Variants in ACTC1 observed in about 807,000 individuals in gnomAD.
ACTC1 encodes the protein actin, alpha cardiac muscle 1.
ACTC1 carries 10 observed loss-of-function variants against 31.6 expected under a neutral mutation model. That is an observed-to-expected ratio of 0.32 (90% CI 0.19 to 0.54). The LOEUF (loss-of-function observed/expected upper bound fraction) is 0.54. ACTC1 is among the 20% of genes least tolerant of loss of function. ACTC1 has a pLI of 0.95. For synonymous variants in ACTC1, 196 were observed against 185.0 expected (o/e 1.06, Z -0.48); for missense variants, 129 against 506.4 (o/e 0.25, Z 7.15).
Position 34,792,310 on chromosome 15 carries a change from G to A in ACTC1, c.617-29C>T. 3 of 1,614,004 alleles carry A rather than the reference G, an allele frequency of 1.9e-6. No individual in the cohort carries two copies. Among genetic ancestry groups the A allele is most frequent in the Non-Finnish European group, 2.5e-6 (3 of 1,179,846 alleles). Reference sequence around the variant, plus strand: ...CAGAAATAAAGAGTATCACAGTCATGCTCTGAAGCAAGAAGTCAATTATAG... The same window carrying A: ...CAGAAATAAAGAGTATCACAGTCATACTCTGAAGCAAGAAGTCAATTATAG... On this transcript the variant is annotated intron_variant, in intron 4 of 6. Coordinates refer to ENST00000290378, the MANE Select transcript of ACTC1 (RefSeq NM_005159.5). The surrounding 1 kb of genome is among the most constrained non-coding windows in gnomAD (Gnocchi z 5.3).
intron 5 of ACTC1, chr15:34,791,676 G>A: frequency 2.9e-6 from 1 of 339,344 alleles, no homozygotes; most frequent in South Asian, 3.7e-5. Context: ...GGAAAGCATT[G>A]CTTAGGAAGG....
Position 34,790,347 on chromosome 15 carries a change from T to C in ACTC1, c.*65A>G. On this transcript the variant is annotated 3_prime_UTR_variant, in exon 7 of 7. Transcript: ENST00000290378. ...TGATGAAAGATGAGGGAAGGTGGTT[T>C]GGAAGACTCCAAGAAGCATAATACC... 6.3e-7 allele frequency: 1 copy of C among 1,592,872 alleles called. No homozygotes were observed.
Position 34,792,071 on chromosome 15 carries a change from A to C in ACTC1, c.808+19T>G. On this transcript the variant is annotated intron_variant, in intron 5 of 6. Coordinates refer to ENST00000290378, the MANE Select transcript of ACTC1 (RefSeq NM_005159.5). The surrounding 1 kb of genome is among the most constrained non-coding windows in gnomAD (Gnocchi z 5.3). ...TTTCCAGGGAAAATCGTGCCTCTGC[A>C]CCAGACCCTACAACTCACCAATGAA... 1.2e-6 allele frequency: 2 copies of C among 1,613,890 alleles called. No individual in the cohort carries two copies. The highest frequency in any genetic ancestry group is 1.7e-6 in the Non-Finnish European group (2 of 1,179,954).
At position 34,790,365 on chromosome 15, in the gene ACTC1, A is replaced by G. The variant is rs1405271748; in HGVS notation, c.*47T>C. ...GGTGGTTTGGAAGACTCCAAGAAGC[A>G]TAATACCGTCATCCTGACTGGAAGG... On this transcript the variant is annotated 3_prime_UTR_variant, in exon 7 of 7. Coordinates refer to ENST00000290378, the MANE Select transcript of ACTC1 (RefSeq NM_005159.5). The G allele has an allele frequency of 8.1e-6, 13 of 1,610,444 alleles. No homozygotes were observed. Among genetic ancestry groups the G allele is most frequent in the Non-Finnish European group, 1.1e-5 (13 of 1,178,336 alleles).
In ACTC1 at chr15:34,790,392, A is replaced by T. The variant is rs143407466; in HGVS notation, c.*20T>A. The T allele has an allele frequency of 7.9e-5, 128 of 1,612,924 alleles. 1 individual carries two copies. In the East Asian group the frequency reaches 2.8e-3, roughly 35 times the overall value. On this transcript the variant is annotated 3_prime_UTR_variant, in exon 7 of 7. Transcript: ENST00000290378. ...AATACCGTCATCCTGACTGGAAGGT[A>T]GATGGAGAGAGAAGGCATCTTAGAA...
chr15:34,795,004 G>A (rs902914885), intron 1 of ACTC1, among the ~76,000 whole-genome samples, 174 bp from the exon 2 acceptor site: 31 of 152,176 alleles, frequency 2.0e-4, no homozygotes, highest in African/African-American at 7.5e-4. Flanking sequence ...GAGGGAAGAA[G>A]CCGCGGAGGA....
intron 2 of ACTC1, among the ~76,000 whole-genome samples, chr15:34,794,263 A>C (rs1345879855): frequency 6.6e-6 from 1 of 152,238 alleles, no homozygotes; most frequent in Non-Finnish European, 1.5e-5. Flanking sequence ...GGAACCCTGT[A>C]AACTGGCTGT....
chr15:34,792,765 T>C lies in ACTC1; in HGVS notation c.455-196A>G, dbSNP rs1891731413. On this transcript the variant is annotated intron_variant, in intron 3 of 6. Transcript: ENST00000290378. The surrounding 1 kb of genome is among the most constrained non-coding windows in gnomAD (Gnocchi z 5.3). The stretch of plus-strand genomic sequence containing the variant: ...TAAATCTGAAGCAAACTGCAGCTCA[T>C]CTTTTTAACTATTATAGTAGAAAAA... 1 of 628,634 alleles carries C rather than the reference T, an allele frequency of 1.6e-6. No homozygotes were observed. The highest frequency in any genetic ancestry group is 2.8e-6 in the Non-Finnish European group (1 of 359,406). The allele number at this position is 628,634 out of a possible 1,614,324, so 38.9% of individuals were successfully genotyped here. A position where few individuals can be genotyped will look rare whatever the true frequency, so the allele number is the denominator to read the frequency against.
chr15:34,791,672 CATTGCTTAGGAAGGATATTTGTTGACA>C (rs1204254233), intron 5 of ACTC1: 5 of 330,228 alleles, frequency 1.5e-5, no homozygotes, highest in African/African-American at 1.0e-4. Context: ...TTATGGAAAG[CATTGCTTAGGAAGGATATTTGTTGACA>C]TATAAGTGCC....
rs1566967138 is a variant in ACTC1 at position 34,791,306 on chromosome 15, GTCAC to G, written c.809-15_809-12del. 1 of 1,430,134 alleles carries G rather than the reference GTCAC, an allele frequency of 7.0e-7. No homozygotes were observed. The highest frequency in any genetic ancestry group is 2.4e-5 in the East Asian group (1 of 40,820). 88.6% of individuals were successfully genotyped at this position (1,430,134 alleles called of 1,614,324 possible). On this transcript the variant is annotated splice_polypyrimidine_tract_variant and intron_variant, in intron 5 of 6. Coordinates refer to ENST00000290378, the MANE Select transcript of ACTC1 (RefSeq NM_005159.5). ...CAGCAGATTCCATACCTGGGAACGAGTCACACACACACACACACACACACACACA... is the reference window on the plus strand; with the variant it reads ...CAGCAGATTCCATACCTGGGAACGAGACACACACACACACACACACACACA...
Position 34,792,698 on chromosome 15 carries a change from G to T in ACTC1, c.455-129C>A. 2.1e-6 allele frequency: 2 copies of T among 954,490 alleles called. No individual in the cohort carries two copies. The highest frequency in any genetic ancestry group is 3.3e-6 in the Non-Finnish European group (2 of 603,950). 59.1% of individuals were successfully genotyped at this position (954,490 alleles called of 1,614,324 possible). A position where few individuals can be genotyped will look rare whatever the true frequency, so the allele number is the denominator to read the frequency against. On this transcript the variant is annotated intron_variant, in intron 3 of 6. Transcript: ENST00000290378. This position sits in a 1 kb window ranked among gnomAD's most constrained non-coding sequence, Gnocchi z 5.3. ...ATGGGCATTGATCCAGATAAAATTAGATTCCTTACACACAAAGAATAAAAA... is the reference window on the plus strand; with the variant it reads ...ATGGGCATTGATCCAGATAAAATTATATTCCTTACACACAAAGAATAAAAA...
intron 2 of ACTC1, 29 bp downstream of exon 2, chr15:34,794,651 T>A: frequency 6.2e-7 from 1 of 1,605,070 alleles, no homozygotes; most frequent in Middle Eastern, 1.7e-4. Context: ...GGGTCCCGAG[T>A]GGGACGGGGG....
Position 34,793,501 on chromosome 15 carries a change from G to A in ACTC1, c.198C>T (p.Ile66=), listed in dbSNP as rs780724030. ...GCTCGATGGGATACTTCAGGGTCAG[G>A]ATGCCTCTCTTGCTCTGGGCTTCAT... ...VGDEAQSKRG[I]LTLKYPIEHG... is the part of the protein sequence containing the mutation. Residue 66 remains isoleucine (I), a synonymous_variant, in exon 3 of 7, where the codon ATC becomes ATT. Transcript: ENST00000290378. This position sits in a 1 kb window ranked among gnomAD's most constrained non-coding sequence, Gnocchi z 4.8. 1.2e-6 allele frequency: 2 copies of A among 1,614,066 alleles called. No homozygotes were observed. Among genetic ancestry groups the A allele is most frequent in the East Asian group, 2.2e-5 (1 of 44,876 alleles).
intron 5 of ACTC1, 92 bp from the exon 6 acceptor site, chr15:34,791,387 G>A (rs771953658): frequency 1.3e-6 from 2 of 1,518,078 alleles, no homozygotes; most frequent in East Asian, 2.3e-5. Context: ...AGAGGGAAGA[G>A]AACAGAACTT....
intron 6 of ACTC1, 51 bp from the exon 7 acceptor site, chr15:34,790,606 G>A: frequency 1.2e-6 from 2 of 1,607,864 alleles, no homozygotes; most frequent in East Asian, 2.2e-5. Context: ...TCCAAGCAAG[G>A]GAGCAAATAA....
At position 34,792,022 on chromosome 15, in the gene ACTC1, A is replaced by G; in HGVS notation, c.808+68T>C. The G allele has an allele frequency of 6.3e-7, 1 of 1,578,698 alleles. No homozygotes were observed. Among genetic ancestry groups the G allele is most frequent in the Non-Finnish European group, 8.7e-7 (1 of 1,150,632 alleles). ...CTCAAGGGCTTCTTGAGCCTTCTAG[A>G]TTTTACTCTGGGAGACCCTAAGATT... is the stretch of plus-strand genomic sequence containing the variant. On this transcript the variant is annotated intron_variant, in intron 5 of 6. Coordinates refer to ENST00000290378, the MANE Select transcript of ACTC1 (RefSeq NM_005159.5). The surrounding 1 kb of genome is among the most constrained non-coding windows in gnomAD (Gnocchi z 5.3).
In ACTC1 at chr15:34,792,337, G is replaced by T; in HGVS notation, c.617-56C>A. On this transcript the variant is annotated intron_variant, in intron 4 of 6. Coordinates refer to ENST00000290378, the MANE Select transcript of ACTC1 (RefSeq NM_005159.5). This position sits in a 1 kb window ranked among gnomAD's most constrained non-coding sequence, Gnocchi z 5.3. ...TCTGAAGCAAGAAGTCAATTATAGGGAGGTAGGCGGATTCAGTGAGAGAGG... is the reference window on the plus strand; with the variant it reads ...TCTGAAGCAAGAAGTCAATTATAGGTAGGTAGGCGGATTCAGTGAGAGAGG... 3 of 1,613,930 alleles carry T rather than the reference G, an allele frequency of 1.9e-6. No individual in the cohort carries two copies. Among genetic ancestry groups the T allele is most frequent in the Non-Finnish European group, 2.5e-6 (3 of 1,179,782 alleles).
Position 34,792,045 on chromosome 15 carries a change from A to G in ACTC1, c.808+45T>C, listed in dbSNP as rs1891716134. 1 of 1,609,272 alleles carries G rather than the reference A, an allele frequency of 6.2e-7. No individual in the cohort carries two copies. Among genetic ancestry groups the G allele is most frequent in the African/African-American group, 1.3e-5 (1 of 74,934 alleles). On this transcript the variant is annotated intron_variant, in intron 5 of 6. Transcript: ENST00000290378. This position sits in a 1 kb window ranked among gnomAD's most constrained non-coding sequence, Gnocchi z 5.3. The stretch of plus-strand genomic sequence containing the variant: ...AGATTTTACTCTGGGAGACCCTAAG[A>G]TTTCCAGGGAAAATCGTGCCTCTGC...
At chr15:34,794,649 A>T (rs1595761925) in intron 2 of ACTC1, 31 bp downstream of exon 2, 9 of 1,605,460 alleles carry the variant, frequency 5.6e-6, no homozygotes, top group Non-Finnish European at 6.0e-6. Context: ...AGGGGTCCCG[A>T]GTGGGACGGG....
Sources: allele counts gnomAD v4.1 joint callset (sites outside exome capture counted in the v4.1 genomes callset), GRCh38; gene constraint gnomAD v4.1.1; non-coding constraint Gnocchi (gnomAD v3.1); transcripts MANE v1.5; gene names NCBI Gene and HGNC (gene_info 2026-07-23, HGNC 2026-07-21).